HERC1: variants seen among roughly 807,000 people sequenced by gnomAD.
The protein encoded by HERC1 is HECT and RLD domain containing E3 ubiquitin protein ligase family member 1.
HERC1 carries 160 observed loss-of-function variants against 554.3 expected under a neutral mutation model. That is an observed-to-expected ratio of 0.29 (90% CI 0.25 to 0.33). The LOEUF (loss-of-function observed/expected upper bound fraction) is 0.33. HERC1 is among the 10% of genes least tolerant of loss of function. The pLI is 1.00. For missense variants in HERC1, 4,919 were observed against 5,918.5 expected, an observed-to-expected ratio of 0.83 and a Z score of 5.54; for synonymous variants, 2,175 against 2,131.7, an observed-to-expected ratio of 1.02 and a Z score of -0.56.
At chr15:63,804,239 C>T (rs1043246019) in intron 1 of HERC1, among the ~76,000 whole-genome samples, 12 of 152,184 alleles carry the variant, frequency 7.9e-5, no homozygotes, top group African/African-American at 2.9e-4. Context: ...TTAAATAGCA[C>T]ACAATAAATT....
At position 63,675,083 on chromosome 15, in the gene HERC1, A is replaced by C. The variant is rs934610156; in HGVS notation, c.7105T>G (p.Leu2369Val). 1.2e-6 allele frequency: 2 copies of C among 1,608,324 alleles called. No individual in the cohort carries two copies. The highest frequency in any genetic ancestry group is 3.4e-5 in the Admixed American group (2 of 59,444). Reference sequence around the variant, plus strand: ...GGTTCACAGGGTTCCAGATTATACAATGGAGTATCACTAGGCGACCAAAAA... The same window carrying C: ...GGTTCACAGGGTTCCAGATTATACACTGGAGTATCACTAGGCGACCAAAAA... ...PTFWSPSDTP[L>V]YNLEPCEPLP... The change falls in exon 38 of 78, where the codon TTG becomes GTG. Residue 2369 changes from leucine to valine, a missense_variant. Transcript: ENST00000443617.
chr15:63,662,663 T>G (rs2070418284), intron 44 of HERC1, among the ~76,000 whole-genome samples: 1 of 152,210 alleles, frequency 6.6e-6, no homozygotes, highest in Admixed American at 6.5e-5. Context: ...CCATGTTATA[T>G]AACCTGTCAA....
At chr15:63,783,999 G>T (rs2076364400) in intron 1 of HERC1, among the ~76,000 whole-genome samples, 1 of 151,268 alleles carries the variant, frequency 6.6e-6, no homozygotes, top group African/African-American at 2.4e-5. Flanking sequence ...CCGGGAGGCA[G>T]AGGTTACAGT....
chr15:63,631,565 G>A (rs1053714596), intron 68 of HERC1, among the ~76,000 whole-genome samples: 2 of 152,050 alleles, frequency 1.3e-5, no homozygotes, highest in Non-Finnish European at 1.5e-5. Context: ...TTGAGATGAA[G>A]TTTCGCTCTT....
intron 50 of HERC1, 48 bp from the exon 51 acceptor site, chr15:63,654,372 A>C (rs1248343544): frequency 7.4e-7 from 1 of 1,358,530 alleles, no homozygotes; most frequent in South Asian, 1.2e-5. Flanking sequence ...TTGGGCAATT[A>C]AACCTGCTTA....
intron 1 of HERC1, among the ~76,000 whole-genome samples, chr15:63,821,306 GA>G (rs1412887315): frequency 6.6e-6 from 1 of 151,998 alleles, no homozygotes. Flanking sequence ...TGTAATCCCA[GA>G]ACTTTAGGAG....
intron 12 of HERC1, among the ~76,000 whole-genome samples, chr15:63,737,950 T>C (rs1251071053): frequency 6.6e-6 from 1 of 152,196 alleles, no homozygotes; most frequent in Non-Finnish European, 1.5e-5. Flanking sequence ...CATGAAGATA[T>C]TCAATTTTCA....
Position 63,674,707 on chromosome 15 carries a change from T to C in HERC1, c.7481A>G (p.Lys2494Arg). The change falls in exon 38 of 78, where the codon AAA becomes AGA. Residue 2494 changes from lysine (K) to arginine (R), a missense_variant. By Grantham distance (26) the Lys-to-Arg change is conservative. This residue lies in a region of HERC1 where 1,963 missense variants were observed against 2,228.6 expected (regional missense o/e 0.88). Transcript: ENST00000443617. ...TTCTGACTGGGCTACATCATGGTTTTTGGACATGTGTTCATGATTTTTTCT... is the reference window on the plus strand; with the variant it reads ...TTCTGACTGGGCTACATCATGGTTTCTGGACATGTGTTCATGATTTTTTCT... ...GKRKNHEHMS[K>R]NHDVAQSEIR... 5 of 1,613,768 alleles carry C rather than the reference T, an allele frequency of 3.1e-6. No homozygotes were observed. Among genetic ancestry groups the C allele is most frequent in the African/African-American group, 1.3e-5 (1 of 75,038 alleles).
In HERC1 at chr15:63,698,974, T is replaced by C; in HGVS notation, c.4659A>G (p.Glu1553=). ...GGCGAGCCCAAGAGTCACTCAGGGA[T>C]TCCAATTGACTGTGCATAGGACCTA... ...RKRGPMHSQL[E]SLSDSWARLK... Residue 1553 remains glutamate, a synonymous_variant, in exon 26 of 78, where the codon GAA becomes GAG. Transcript: ENST00000443617. The C allele has an allele frequency of 1.2e-6, 2 of 1,613,200 alleles. No homozygotes were observed. The highest frequency in any genetic ancestry group is 1.7e-6 in the Non-Finnish European group (2 of 1,179,232).
In HERC1 at chr15:63,705,544, G is replaced by GT. The variant is rs200989567; in HGVS notation, c.4636+1235dup. Among the ~76,000 whole-genome samples, 709 of 151,724 alleles carry GT rather than the reference G, an allele frequency of 4.7e-3. 4 individuals carry two copies. Among genetic ancestry groups the GT allele is most frequent in the African/African-American group, 0.016 (660 of 41,374 alleles). On this transcript the variant is annotated intron_variant, in intron 25 of 77. Transcript: ENST00000443617. The stretch of plus-strand genomic sequence containing the variant: ...GTGTGCATTGCTTTCCCTCATTTCT[G>GT]TTTTTTTTCTATGGATGAGAAACCT...
At chr15:63,618,079 C>A (rs1691543908) in intron 74 of HERC1, among the ~76,000 whole-genome samples, 1 of 151,996 alleles carries the variant, frequency 6.6e-6, no homozygotes, top group Non-Finnish European at 1.5e-5. Flanking sequence ...AAGTCCTTGC[C>A]CATGCCTATG....
chr15:63,752,913 C>A, intron 8 of HERC1, 45 bp downstream of exon 8: 1 of 1,556,860 alleles, frequency 6.4e-7, no homozygotes, highest in Non-Finnish European at 8.7e-7. Flanking sequence ...GTCACCTAAT[C>A]CTCTGAAATA....
intron 3 of HERC1, among the ~76,000 whole-genome samples, chr15:63,762,565 T>C (rs2075647043): frequency 6.6e-6 from 1 of 152,130 alleles, no homozygotes. Flanking sequence ...CCTCAGGTAA[T>C]CCACCCACCT....
intron 38 of HERC1, 70 bp from the exon 39 acceptor site, chr15:63,672,764 A>C: frequency 2.0e-6 from 2 of 1,007,744 alleles, no homozygotes; most frequent in Middle Eastern, 4.3e-4. Context: ...CGGGAATAAA[A>C]AACTTCTACC....
chr15:63,727,842 T>G lies in HERC1; in HGVS notation c.3155-4A>C. The G allele has an allele frequency of 1.2e-6, 2 of 1,609,454 alleles. No homozygotes were observed. The highest frequency in any genetic ancestry group is 2.7e-5 in the African/African-American group (2 of 74,874). ...GCAGCTGAGACGTATATCACATCTA[T>G]GAAGGGCAAGAAATTAAACATGGGA... On this transcript the variant is annotated splice_region_variant and splice_polypyrimidine_tract_variant and intron_variant, in intron 16 of 77. Transcript: ENST00000443617. The surrounding 1 kb of genome is among the most constrained non-coding windows in gnomAD (Gnocchi z 4.3).
intron 1 of HERC1, among the ~76,000 whole-genome samples, chr15:63,808,118 A>T (rs550726305): frequency 1.4e-5 from 1 of 71,508 alleles, no homozygotes; most frequent in South Asian, 3.2e-4. Context: ...TAGTAATTCT[A>T]GTTGACAAAA....
intron 74 of HERC1, among the ~76,000 whole-genome samples, chr15:63,617,376 T>A (rs1052042617): frequency 6.6e-6 from 1 of 152,248 alleles, no homozygotes; most frequent in Non-Finnish European, 1.5e-5. Context: ...CCATGGTGTA[T>A]AAGTGCCACA....
intron 1 of HERC1, among the ~76,000 whole-genome samples, chr15:63,786,686 T>C (rs78088275): frequency 3.9e-5 from 6 of 152,122 alleles, no homozygotes; most frequent in Admixed American, 3.3e-4. Context: ...TTATAAGAAA[T>C]GTACAGTACA....
intron 1 of HERC1, among the ~76,000 whole-genome samples, chr15:63,789,406 T>C (rs1025330390): frequency 6.6e-6 from 1 of 151,962 alleles, no homozygotes; most frequent in Non-Finnish European, 1.5e-5. Context: ...TTTTTTTAAA[T>C]GATTTAAAAT....
Sources: allele counts gnomAD v4.1 joint callset (sites outside exome capture counted in the v4.1 genomes callset), GRCh38; gene constraint gnomAD v4.1.1; regional missense constraint gnomAD v4.1.1; non-coding constraint Gnocchi (gnomAD v3.1); transcripts MANE v1.5; gene names NCBI Gene and HGNC (gene_info 2026-07-23, HGNC 2026-07-21).